The following GALNT13 variants were observed in gnomAD, a reference collection of about 807,000 sequenced individuals.
The protein encoded by GALNT13 is polypeptide N-acetylgalactosaminyltransferase 13.
In GALNT13, 28 loss-of-function variants were observed where a neutral mutation model predicts 64.2. The observed-to-expected ratio is 0.44, with a 90% confidence interval of 0.32 to 0.60. GALNT13 has a LOEUF of 0.60. Among genes scored for constraint, GALNT13 ranks in the 20% least tolerant of loss-of-function variants. The pLI is 0.05. For synonymous variants in GALNT13, 214 were observed against 224.6 expected (o/e 0.95, Z 0.42); for missense variants, 577 against 669.8 (o/e 0.86, Z 1.53).
At chr2:153,472,281 A>G in the GALNT13 span, among the ~76,000 whole-genome samples, 1 of 152,276 alleles carries the variant, frequency 6.6e-6, no homozygotes, top group East Asian at 1.9e-4. Context: ...TAAAAAAACT[A>G]TAACCTTCTC....
the GALNT13 span, among the ~76,000 whole-genome samples, chr2:153,303,754 CA>C: frequency 6.6e-6 from 1 of 151,884 alleles, no homozygotes; most frequent in Non-Finnish European, 1.5e-5. Context: ...GAGGTTTTTT[CA>C]TGAAAAATAT....
At chr2:153,721,863 C>T in the GALNT13 span, among the ~76,000 whole-genome samples, 1 of 151,448 alleles carries the variant, frequency 6.6e-6, no homozygotes, top group African/African-American at 2.4e-5. Flanking sequence ...TAATCGGAGA[C>T]TTTAACACCC....
intron 6 of GALNT13, among the ~76,000 whole-genome samples, chr2:154,245,249 T>G (rs1290616105): frequency 6.6e-6 from 1 of 152,208 alleles, no homozygotes; most frequent in Non-Finnish European, 1.5e-5. Context: ...GAAATGGTCA[T>G]GACCCTATCA....
At chr2:153,960,690 G>A (rs955699868) in intron 3 of GALNT13, among the ~76,000 whole-genome samples, 3 of 152,174 alleles carry the variant, frequency 2.0e-5, no homozygotes, top group Admixed American at 1.3e-4. Context: ...GAATGTCTGA[G>A]TGAAAGCTTC....
intron 3 of GALNT13, among the ~76,000 whole-genome samples, chr2:154,114,072 G>A (rs10172387): frequency 0.2 from 30,908 of 152,070 alleles, 4,046 homozygotes; most frequent in Middle Eastern, 0.32. Context: ...AGAGTTGAAC[G>A]GGGATGTGGT....
At chr2:153,955,296 C>A (rs1365813078) in intron 3 of GALNT13, among the ~76,000 whole-genome samples, 1 of 152,006 alleles carries the variant, frequency 6.6e-6, no homozygotes. Flanking sequence ...TAATAAATTA[C>A]AAAACAGAAA....
At chr2:153,337,530 G>GT in the GALNT13 span, among the ~76,000 whole-genome samples, 1 of 152,106 alleles carries the variant, frequency 6.6e-6, no homozygotes, top group Admixed American at 6.5e-5. Flanking sequence ...TCATCCTACT[G>GT]TTTTTTATTT....
intron 9 of GALNT13, among the ~76,000 whole-genome samples, chr2:154,390,198 TA>T (rs748941636): frequency 6.6e-6 from 1 of 152,202 alleles, no homozygotes; most frequent in Non-Finnish European, 1.5e-5. Flanking sequence ...TTTAATACTA[TA>T]ATGCAATAGA....
the GALNT13 span, among the ~76,000 whole-genome samples, chr2:153,196,441 A>G: frequency 3.3e-5 from 5 of 152,102 alleles, no homozygotes; most frequent in Middle Eastern, 6.3e-3. Flanking sequence ...GCTTGGCCCC[A>G]TTCCTACTTC....
At chr2:154,014,608 T>C (rs9288307) in intron 3 of GALNT13, among the ~76,000 whole-genome samples, 95,339 of 127,430 alleles carry the variant, frequency 0.75, 36,600 homozygotes, top group East Asian at 0.96. Context: ...TTTGTTTTTC[T>C]TACTTTTTGT....
the GALNT13 span, among the ~76,000 whole-genome samples, chr2:153,820,915 G>A: frequency 1.3e-5 from 2 of 151,890 alleles, no homozygotes; most frequent in African/African-American, 2.4e-5. Flanking sequence ...AATGCACAAA[G>A]TAGTAGTCAG....
At chr2:153,678,363 T>G in the GALNT13 span, among the ~76,000 whole-genome samples, 1 of 152,006 alleles carries the variant, frequency 6.6e-6, no homozygotes, top group African/African-American at 2.4e-5. Flanking sequence ...AAGAACAAGA[T>G]CGTGTCCTTC....
At chr2:153,493,499 CCTT>C in the GALNT13 span, among the ~76,000 whole-genome samples, 1 of 151,834 alleles carries the variant, frequency 6.6e-6, no homozygotes, top group Non-Finnish European at 1.5e-5. Context: ...AATCAAAAAG[CCTT>C]CTTACTCAGA....
chr2:154,264,800 A>G (rs1274013543), intron 8 of GALNT13, among the ~76,000 whole-genome samples: 1 of 151,938 alleles, frequency 6.6e-6, no homozygotes, highest in Non-Finnish European at 1.5e-5. Context: ...AAAGAAAAAA[A>G]AAAAAAAGAG....
At chr2:154,015,443 T>A (rs1377943621) in intron 3 of GALNT13, among the ~76,000 whole-genome samples, 2 of 152,232 alleles carry the variant, frequency 1.3e-5, no homozygotes, top group African/African-American at 4.8e-5. Flanking sequence ...TCTGCCACTA[T>A]ATCAATAAGA....
the GALNT13 span, among the ~76,000 whole-genome samples, chr2:153,723,594 A>G: frequency 6.6e-6 from 1 of 151,990 alleles, no homozygotes; most frequent in East Asian, 1.9e-4. Context: ...CTGATAAGCA[A>G]CTTCAGCAAA....
intron 8 of GALNT13, among the ~76,000 whole-genome samples, chr2:154,260,093 C>T (rs1038088163): frequency 4.6e-5 from 7 of 151,710 alleles, no homozygotes; most frequent in Admixed American, 4.6e-4. Flanking sequence ...GCCATGTTGC[C>T]CAGGGTGGTC....
the GALNT13 span, among the ~76,000 whole-genome samples, chr2:153,644,727 G>A: frequency 2.0e-5 from 3 of 151,800 alleles, no homozygotes; most frequent in African/African-American, 4.8e-5. Flanking sequence ...TTCCTACTAC[G>A]TTGGAATTCC....
intron 11 of GALNT13, among the ~76,000 whole-genome samples, chr2:154,413,776 C>T (rs1268595623): frequency 6.6e-6 from 1 of 152,036 alleles, no homozygotes; most frequent in African/African-American, 2.4e-5. Flanking sequence ...CATTTGCTAG[C>T]TATTCATTAG....
Sources: gnomAD v4.1 joint callset for allele counts (sites outside exome capture counted in the v4.1 genomes callset) on GRCh38, gnomAD v4.1.1 for gene constraint, MANE v1.5 for transcripts, NCBI Gene and HGNC (gene_info 2026-07-23, HGNC 2026-07-21) for gene names.